The following FOXP2 variants were observed in gnomAD, a reference collection of about 807,000 sequenced individuals.
The protein encoded by FOXP2 is forkhead box P2.
A neutral mutation model predicts 115.8 loss-of-function variants in FOXP2; 12 were observed. The observed-to-expected ratio is 0.10, with a 90% confidence interval of 0.07 to 0.17. The LOEUF (loss-of-function observed/expected upper bound fraction) is 0.17, where lower values mean the gene tolerates loss of function less well. Among genes scored for constraint, FOXP2 ranks in the 10% least tolerant of loss-of-function variants. The probability of loss-of-function intolerance (pLI) is 1.00; values close to 1 mark genes in which losing one functional copy is unlikely to be tolerated. For missense variants in FOXP2, 629 were observed against 843.5 expected (o/e 0.75, Z 3.15); for synonymous variants, 328 against 297.7 (o/e 1.10, Z -1.05).
chr7:114,270,986 G>T (rs1489614127), intron 1 of FOXP2, among the ~76,000 whole-genome samples: 1 of 151,706 alleles, frequency 6.6e-6, no homozygotes, highest in Admixed American at 6.6e-5. Flanking sequence ...TTTGTATGTG[G>T]ATGTCTAGTT....
intron 2 of FOXP2, among the ~76,000 whole-genome samples, chr7:114,322,062 C>T (rs959122297): frequency 7.3e-5 from 11 of 150,858 alleles, no homozygotes; most frequent in African/African-American, 2.7e-4. Context: ...GGCTCTGTCA[C>T]CCAGGCTGGA....
At chr7:114,196,219 C>G (rs1178575386) in intron 1 of FOXP2, among the ~76,000 whole-genome samples, 1 of 151,914 alleles carries the variant, frequency 6.6e-6, no homozygotes, top group Non-Finnish European at 1.5e-5. Context: ...AGCATGTTGT[C>G]CAGGATAGTC....
chr7:114,107,200 G>A (rs1245230827), intron 1 of FOXP2, among the ~76,000 whole-genome samples: 1 of 151,888 alleles, frequency 6.6e-6, no homozygotes, highest in African/African-American at 2.4e-5. Context: ...TAGGAATTTA[G>A]GAAGCCAGTT....
At chr7:114,146,523 GGAAAA>G (rs1562980875) in intron 1 of FOXP2, among the ~76,000 whole-genome samples, 1 of 152,056 alleles carries the variant, frequency 6.6e-6, no homozygotes, top group Non-Finnish European at 1.5e-5. Context: ...TGATGAAGTT[GGAAAA>G]GAAAAGAAAG....
At chr7:114,213,729 AT>A (rs1485147907) in intron 1 of FOXP2, among the ~76,000 whole-genome samples, 2 of 152,198 alleles carry the variant, frequency 1.3e-5, no homozygotes, top group African/African-American at 4.8e-5. Context: ...CTCAAGCTTG[AT>A]TTGAATGCTA....
intron 2 of FOXP2, among the ~76,000 whole-genome samples, chr7:114,467,184 GT>G (rs1221663045): frequency 6.6e-6 from 1 of 152,166 alleles, no homozygotes; most frequent in South Asian, 2.1e-4. Context: ...TTAATGTGTG[GT>G]TTTTTTGGTT....
At chr7:114,539,914 C>G (rs1799573127) in intron 3 of FOXP2, among the ~76,000 whole-genome samples, 1 of 151,944 alleles carries the variant, frequency 6.6e-6, no homozygotes, top group Admixed American at 6.6e-5. Flanking sequence ...ATAGAATAAC[C>G]TGATCTCTTT....
At chr7:114,397,956 C>G (rs1792783732) in intron 2 of FOXP2, among the ~76,000 whole-genome samples, 1 of 151,932 alleles carries the variant, frequency 6.6e-6, no homozygotes, top group Non-Finnish European at 1.5e-5. Context: ...TATGAAAGAA[C>G]TGAGAAGAGA....
intron 3 of FOXP2, among the ~76,000 whole-genome samples, chr7:114,594,541 T>G (rs1802601529): frequency 6.6e-6 from 1 of 152,060 alleles, no homozygotes. Context: ...ACAAGATATG[T>G]ACATAAGCTA....
At chr7:114,430,071 G>C (rs1486445017) in intron 2 of FOXP2, among the ~76,000 whole-genome samples, 2 of 151,538 alleles carry the variant, frequency 1.3e-5, no homozygotes, top group Non-Finnish European at 3.0e-5. Context: ...TTCATCTTCT[G>C]TTTCTCTGTC....
intron 1 of FOXP2, among the ~76,000 whole-genome samples, chr7:114,207,855 G>T (rs1472945744): frequency 6.6e-6 from 1 of 152,182 alleles, no homozygotes; most frequent in East Asian, 1.9e-4. Flanking sequence ...TTATTTGAAT[G>T]CCATGATTAA....
At chr7:114,161,121 G>A (rs1442893224), upstream of FOXP2, among the ~76,000 whole-genome samples, 1 of 152,112 alleles carries the variant, frequency 6.6e-6, no homozygotes, top group Non-Finnish European at 1.5e-5. Context: ...AACTAAAGCA[G>A]AACTACTTGT....
At chr7:114,497,240 A>G (rs1357367419) in intron 2 of FOXP2, among the ~76,000 whole-genome samples, 1 of 152,232 alleles carries the variant, frequency 6.6e-6, no homozygotes, top group East Asian at 1.9e-4. Context: ...GCCCAATAAC[A>G]GCTTTCATCT....
chr7:114,168,657 G>A (rs984051309), intron 1 of FOXP2, among the ~76,000 whole-genome samples: 1 of 152,180 alleles, frequency 6.6e-6, no homozygotes, highest in Non-Finnish European at 1.5e-5. Context: ...ATTTTCTGAG[G>A]AGAAATTCAA....
At chr7:114,189,709 A>T (rs1793706784) in intron 1 of FOXP2, among the ~76,000 whole-genome samples, 1 of 152,192 alleles carries the variant, frequency 6.6e-6, no homozygotes, top group African/African-American at 2.4e-5. Flanking sequence ...CACTGGGTCA[A>T]AATTTAGGCA....
chr7:114,102,911 A>T (rs1791024936), intron 1 of FOXP2, among the ~76,000 whole-genome samples: 1 of 152,052 alleles, frequency 6.6e-6, no homozygotes, highest in South Asian at 2.1e-4. Context: ...ATTAAGTCTA[A>T]AGTAGTAGTT....
At chr7:114,539,803 C>T (rs1453966042) in intron 3 of FOXP2, among the ~76,000 whole-genome samples, 1 of 151,958 alleles carries the variant, frequency 6.6e-6, no homozygotes, top group African/African-American at 2.4e-5. Flanking sequence ...ACTAAGCATG[C>T]TTGTGTGGAA....
chr7:114,243,244 G>C (rs969180149), intron 1 of FOXP2, among the ~76,000 whole-genome samples: 2 of 133,446 alleles, frequency 1.5e-5, no homozygotes, highest in African/African-American at 5.8e-5. Flanking sequence ...GAAAATAAAT[G>C]TTCTTAGCCA....
At chr7:114,111,315 C>T (rs902157382) in intron 1 of FOXP2, among the ~76,000 whole-genome samples, 2 of 152,040 alleles carry the variant, frequency 1.3e-5, no homozygotes, top group Non-Finnish European at 2.9e-5. Context: ...CCTTGTATAG[C>T]CTCCTTCCTT....
Sources: allele counts gnomAD v4.1 joint callset (sites outside exome capture counted in the v4.1 genomes callset), GRCh38; gene constraint gnomAD v4.1.1; transcripts MANE v1.5; gene names NCBI Gene and HGNC (gene_info 2026-07-23, HGNC 2026-07-21).